DNAJB6: variants seen among roughly 807,000 people sequenced by gnomAD.
DNAJB6 encodes dnaJ homolog subfamily B member 6.
In DNAJB6, 16 loss-of-function variants were observed where a neutral mutation model predicts 42.7. The observed-to-expected ratio is 0.37, with a 90% confidence interval of 0.25 to 0.57. The LOEUF is 0.57. Among genes scored for constraint, DNAJB6 ranks in the 20% least tolerant of loss-of-function variants. The probability of loss-of-function intolerance (pLI) is 0.74; values close to 1 mark genes in which losing one functional copy is unlikely to be tolerated. For synonymous variants in DNAJB6, 170 were observed against 163.5 expected (o/e 1.04, Z -0.30); for missense variants, 347 against 416.8 (o/e 0.83, Z 1.46).
chr7:157,409,717 G>C, intron 8 of DNAJB6, 78 bp from the exon 9 acceptor site: 1 of 1,421,148 alleles, frequency 7.0e-7, no homozygotes, highest in Non-Finnish European at 9.3e-7. Flanking sequence ...CGTGCGGCCA[G>C]CTTCCCTCCC....
chr7:157,382,161 A>T (rs1252424476), intron 5 of DNAJB6, 85 bp from the exon 6 acceptor site: 2 of 1,443,268 alleles, frequency 1.4e-6, no homozygotes, highest in South Asian at 1.4e-5. Context: ...TGTTACAAAC[A>T]TCTATTTTCT....
chr7:157,415,836 G>T (rs1796095034), intron 9 of DNAJB6, among the ~76,000 whole-genome samples, 180 bp from the exon 10 acceptor site: 1 of 152,236 alleles, frequency 6.6e-6, no homozygotes, highest in Admixed American at 6.5e-5. Flanking sequence ...GGTAGTGTGA[G>T]CAGTTCTCAA....
chr7:157,374,411 C>T (rs1424299478), intron 5 of DNAJB6, among the ~76,000 whole-genome samples: 2 of 152,100 alleles, frequency 1.3e-5, no homozygotes, highest in African/African-American at 4.8e-5. Context: ...AGACATGTGC[C>T]ACCGCGCCCG....
intron 3 of DNAJB6, among the ~76,000 whole-genome samples, chr7:157,365,280 G>A (rs1011305117): frequency 6.6e-6 from 1 of 152,372 alleles, no homozygotes; most frequent in East Asian, 1.9e-4. Flanking sequence ...GAACGCAGAT[G>A]GTGTCATGTC....
rs1359430612 is a variant in DNAJB6, at chr7:157,363,157, C to G, written c.66-4C>G. 1 of 1,588,678 alleles carries G rather than the reference C, an allele frequency of 6.3e-7. No homozygotes were observed. The highest frequency in any genetic ancestry group is 1.3e-5 in the African/African-American group (1 of 74,470). On this transcript the variant is annotated splice_region_variant and splice_polypyrimidine_tract_variant and intron_variant, in intron 2 of 9. Coordinates refer to ENST00000262177, the MANE Select transcript of DNAJB6 (RefSeq NM_058246.4). ...TGTGATCTATATCCTTTATTCTTTC[C>G]AAGATATCGGAAACTGGCACTGAAG...
chr7:157,362,489 C>T (rs886579559), intron 2 of DNAJB6, among the ~76,000 whole-genome samples: 7 of 152,062 alleles, frequency 4.6e-5, no homozygotes, highest in Admixed American at 2.6e-4. Flanking sequence ...ATTCTCCTGC[C>T]GCAGCCTCCT....
chr7:157,406,005 C>T (rs895795876), intron 8 of DNAJB6, among the ~76,000 whole-genome samples: 4 of 152,228 alleles, frequency 2.6e-5, no homozygotes, highest in African/African-American at 4.8e-5. Context: ...CCAGCAGTGC[C>T]GGGCGTGTAG....
intron 1 of DNAJB6, among the ~76,000 whole-genome samples, chr7:157,354,782 C>A (rs932722794): frequency 6.6e-6 from 1 of 152,138 alleles, no homozygotes; most frequent in Non-Finnish European, 1.5e-5. Context: ...GAGGTAGACT[C>A]GGCAGAACTT....
intron 8 of DNAJB6, among the ~76,000 whole-genome samples, chr7:157,399,053 G>A (rs1801726144): frequency 6.6e-6 from 1 of 152,192 alleles, no homozygotes; most frequent in African/African-American, 2.4e-5. Flanking sequence ...GAGGCTGAAC[G>A]GCAGTGAATG....
intron 1 of DNAJB6, among the ~76,000 whole-genome samples, chr7:157,350,568 T>G (rs1053064318): frequency 1.8e-4 from 27 of 152,224 alleles, no homozygotes; most frequent in South Asian, 6.2e-4. Context: ...TAGTGGTTAT[T>G]GAAGTGTGGA....
intron 1 of DNAJB6, among the ~76,000 whole-genome samples, chr7:157,353,583 CGG>C (rs1216868383): frequency 3.2e-5 from 3 of 95,082 alleles, no homozygotes; most frequent in African/African-American, 1.3e-4. Flanking sequence ...TTTTCTTGAC[CGG>C]GGTGTGTGTG....
intron 1 of DNAJB6, among the ~76,000 whole-genome samples, chr7:157,340,996 G>GCAC (rs1251520323): frequency 8.2e-6 from 1 of 121,704 alleles, no homozygotes; most frequent in African/African-American, 3.7e-5. Context: ...GTGTGTGTGT[G>GCAC]TGCGCGCGCG....
intron 8 of DNAJB6, among the ~76,000 whole-genome samples, chr7:157,400,396 G>A (rs11761808): frequency 6.6e-6 from 1 of 151,736 alleles, no homozygotes; most frequent in East Asian, 1.9e-4. Context: ...GATGCTTGCT[G>A]TGCAGCAGGC....
At chr7:157,398,339 A>C (rs1801694117) in intron 8 of DNAJB6, among the ~76,000 whole-genome samples, 1 of 152,104 alleles carries the variant, frequency 6.6e-6, no homozygotes, top group Non-Finnish European at 1.5e-5. Context: ...TGGTATTCCT[A>C]ATTTGTGTAA....
At chr7:157,369,218 C>A in intron 5 of DNAJB6, 1 of 452,722 alleles carries the variant, frequency 2.2e-6, no homozygotes, top group Non-Finnish European at 4.4e-6. Flanking sequence ...AAGAAAGAAC[C>A]ATGTTTACAT....
intron 5 of DNAJB6, chr7:157,369,425 G>C (rs1800005414): frequency 6.6e-6 from 3 of 456,428 alleles, no homozygotes; most frequent in Admixed American, 2.4e-5. Flanking sequence ...ACCAAGCGAG[G>C]AAGAAGGCCC....
At chr7:157,375,459 C>G (rs1195853155) in intron 5 of DNAJB6, among the ~76,000 whole-genome samples, 1 of 152,202 alleles carries the variant, frequency 6.6e-6, no homozygotes, top group Non-Finnish European at 1.5e-5. Flanking sequence ...ATTACTCTAA[C>G]CAGACCTGGG....
intron 5 of DNAJB6, among the ~76,000 whole-genome samples, chr7:157,376,437 T>G (rs949062468): frequency 6.6e-6 from 1 of 152,156 alleles, no homozygotes; most frequent in Non-Finnish European, 1.5e-5. Context: ...AATGTTGAAA[T>G]GGAAGAAGTG....
intron 8 of DNAJB6, among the ~76,000 whole-genome samples, chr7:157,394,942 T>C (rs994584676): frequency 6.6e-6 from 1 of 152,082 alleles, no homozygotes; most frequent in Non-Finnish European, 1.5e-5. Context: ...ATAGAAAATA[T>C]TAGCCTGGCT....
Sources: allele counts gnomAD v4.1 joint callset (sites outside exome capture counted in the v4.1 genomes callset), GRCh38; gene constraint gnomAD v4.1.1; transcripts MANE v1.5; gene names NCBI Gene and HGNC (gene_info 2026-07-23, HGNC 2026-07-21).